ELF2: variants seen among roughly 807,000 people sequenced by gnomAD.
The protein encoded by ELF2 is ETS-related transcription factor Elf-2.
A neutral mutation model predicts 54.8 loss-of-function variants in ELF2; 11 were observed. That is an observed-to-expected ratio of 0.20 (90% CI 0.13 to 0.33). ELF2 has a LOEUF of 0.33. Among genes scored for constraint, ELF2 ranks in the 10% least tolerant of loss-of-function variants. The pLI is 1.00. For missense variants in ELF2, 513 were observed against 703.0 expected (o/e 0.73, Z 3.06); for synonymous variants, 203 against 245.1 (o/e 0.83, Z 1.61).
At chr4:139,177,732 C>A (rs1743121583), upstream of ELF2, among the ~76,000 whole-genome samples, 1 of 151,848 alleles carries the variant, frequency 6.6e-6, no homozygotes, top group Admixed American at 6.6e-5. Context: ...CACGCACACA[C>A]CCTCGCCACT....
chr4:139,083,274 C>A (rs908806188), intron 4 of ELF2, among the ~76,000 whole-genome samples: 2 of 152,162 alleles, frequency 1.3e-5, no homozygotes, highest in Non-Finnish European at 2.9e-5. Context: ...AACATTCACC[C>A]ACTGTTTACA....
intron 4 of ELF2, among the ~76,000 whole-genome samples, chr4:139,121,348 T>G (rs956257782): frequency 5.3e-5 from 8 of 151,750 alleles, no homozygotes; most frequent in African/African-American, 1.7e-4. Flanking sequence ...GACCTCGTGA[T>G]TCACCCGCCT....
At chr4:139,107,165 T>A (rs569037225) in intron 4 of ELF2, among the ~76,000 whole-genome samples, 27 of 152,142 alleles carry the variant, frequency 1.8e-4, no homozygotes, top group African/African-American at 6.0e-4. Flanking sequence ...AAAAGGTTCA[T>A]GACACAAAAA....
intron 4 of ELF2, among the ~76,000 whole-genome samples, chr4:139,088,597 T>A (rs1732245599): frequency 6.6e-6 from 1 of 152,130 alleles, no homozygotes; most frequent in Non-Finnish European, 1.5e-5. Flanking sequence ...TCCTATTTCT[T>A]TTCAGTTGTC....
chr4:139,166,595 A>G (rs1002567119), intron 1 of ELF2, among the ~76,000 whole-genome samples: 6 of 152,134 alleles, frequency 3.9e-5, no homozygotes, highest in East Asian at 3.9e-4. Flanking sequence ...TAGGCCGGGC[A>G]CGGTGGCTCA....
intron 7 of ELF2, among the ~76,000 whole-genome samples, chr4:139,063,854 G>GT (rs924592446): frequency 4.6e-5 from 7 of 150,656 alleles, no homozygotes; most frequent in African/African-American, 1.7e-4. Context: ...ATCTGGGCAA[G>GT]TAAAAAAAAA....
intron 1 of ELF2, among the ~76,000 whole-genome samples, chr4:139,156,643 T>TTGC (rs910104134): frequency 2.2e-5 from 2 of 91,040 alleles, no homozygotes; most frequent in Non-Finnish European, 5.3e-5. Flanking sequence ...GTTGTTGTTG[T>TTGC]TGCTGTTGTT....
intron 7 of ELF2, chr4:139,067,003 G>A (rs1728802629): frequency 6.6e-6 from 1 of 152,128 alleles, no homozygotes; most frequent in African/African-American, 2.4e-5. Flanking sequence ...GCTAGTTGCA[G>A]TGGCTCATGC....
At chr4:139,098,767 C>T (rs913501131) in intron 4 of ELF2, among the ~76,000 whole-genome samples, 4 of 152,086 alleles carry the variant, frequency 2.6e-5, no homozygotes, top group African/African-American at 7.2e-5. Context: ...CGTGCCCGGC[C>T]GATATTTTTA....
chr4:139,066,647 G>A (rs1728748476), intron 7 of ELF2: 1 of 151,820 alleles, frequency 6.6e-6, no homozygotes, highest in South Asian at 2.1e-4. Flanking sequence ...AGCACTCTGG[G>A]AGTGTGAGGC....
intron 1 of ELF2, among the ~76,000 whole-genome samples, chr4:139,159,263 G>T (rs531212756): frequency 6.6e-6 from 1 of 152,262 alleles, no homozygotes; most frequent in Admixed American, 6.5e-5. Flanking sequence ...ATAGCAGATG[G>T]AACACTGAAC....
intron 4 of ELF2, among the ~76,000 whole-genome samples, chr4:139,077,713 T>C (rs953199645): frequency 6.6e-6 from 1 of 152,196 alleles, no homozygotes; most frequent in South Asian, 2.1e-4. Context: ...AACTATAATT[T>C]TGCACATTTA....
intron 4 of ELF2, among the ~76,000 whole-genome samples, chr4:139,082,373 T>G (rs1448389233): frequency 6.6e-6 from 1 of 152,234 alleles, no homozygotes; most frequent in Admixed American, 6.5e-5. Flanking sequence ...TACAAAGGAA[T>G]CAAGTTCTCA....
intron 4 of ELF2, among the ~76,000 whole-genome samples, chr4:139,120,910 C>T (rs1736244110): frequency 1.3e-5 from 2 of 151,782 alleles, no homozygotes; most frequent in Admixed American, 6.6e-5. Context: ...ATTATATTTC[C>T]CTCAGTTTAC....
At chr4:139,114,461 C>G (rs1735317456) in intron 4 of ELF2, among the ~76,000 whole-genome samples, 1 of 151,654 alleles carries the variant, frequency 6.6e-6, no homozygotes, top group Admixed American at 6.6e-5. Flanking sequence ...CTCAGTTACT[C>G]AGGAGGCTGA....
In ELF2 at chr4:139,105,123, G is replaced by C. The variant is rs910315497; in HGVS notation, c.238+20041C>G. Among the ~76,000 whole-genome samples, 5 of 152,106 alleles carry C rather than the reference G, an allele frequency of 3.3e-5. No individual in the cohort carries two copies. In the East Asian group the frequency reaches 9.7e-4, roughly 29 times the overall value. ...TACCTAATAACTGTCATATGGAAAG[G>C]GAGAGGAAAAAAACTATCCACTGCT... On this transcript the variant is annotated intron_variant, in intron 4 of 9. Transcript: ENST00000686138.
chr4:139,114,561 T>TCCAGTCACACACACACACACA (rs70940492), intron 4 of ELF2, among the ~76,000 whole-genome samples: 18 of 108,644 alleles, frequency 1.7e-4, no homozygotes, highest in African/African-American at 3.5e-4. Flanking sequence ...GACTTCAGTC[T>TCCAGTCACACACACACACACA]CACACACACA....
At chr4:139,137,021 G>GT (rs1738250288) in intron 3 of ELF2, 1 of 150,842 alleles carries the variant, frequency 6.6e-6, no homozygotes, top group Non-Finnish European at 1.5e-5. Context: ...AGAAGCCCCG[G>GT]TATTTCTACT....
At chr4:139,124,994 A>G (rs1223503716) in intron 4 of ELF2, among the ~76,000 whole-genome samples, 170 bp downstream of exon 4, 2 of 152,178 alleles carry the variant, frequency 1.3e-5, no homozygotes, top group Non-Finnish European at 2.9e-5. Context: ...TATACAATAG[A>G]AGTTTTATAT....
Sources: gnomAD v4.1 joint callset for allele counts (sites outside exome capture counted in the v4.1 genomes callset) on GRCh38, gnomAD v4.1.1 for gene constraint, MANE v1.5 for transcripts, NCBI Gene and HGNC (gene_info 2026-07-23, HGNC 2026-07-21) for gene names.